Variants in SLC25A12 observed in about 807,000 individuals in gnomAD.
SLC25A12 encodes electrogenic aspartate/glutamate antiporter SLC25A12, mitochondrial.
SLC25A12 carries 32 observed loss-of-function variants against 83.3 expected under a neutral mutation model. The ratio of observed to expected loss-of-function variants is 0.38; its 90% confidence interval spans 0.29 to 0.52. The LOEUF is 0.52. Ranked by LOEUF, SLC25A12 falls within the 20% of genes least tolerant of loss-of-function variation. The pLI is 0.84. For missense variants in SLC25A12, 611 were observed against 835.6 expected (o/e 0.73, Z 3.31); for synonymous variants, 267 against 291.1 (o/e 0.92, Z 0.84).
chr2:171,844,638 G>A (rs966407229), intron 4 of SLC25A12, 130 bp from the exon 5 acceptor site: 5 of 662,122 alleles, frequency 7.6e-6, no homozygotes, highest in African/African-American at 1.8e-5. Flanking sequence ...TAAAATAACT[G>A]CAATTTTTTT....
chr2:171,858,316 T>C (rs1261857268), intron 3 of SLC25A12, among the ~76,000 whole-genome samples: 2 of 152,216 alleles, frequency 1.3e-5, no homozygotes, highest in Admixed American at 1.3e-4. Flanking sequence ...TCATGCAATT[T>C]CTGTTTGAGG....
chr2:171,874,301 A>G (rs1009750159), intron 2 of SLC25A12, among the ~76,000 whole-genome samples: 7 of 152,206 alleles, frequency 4.6e-5, no homozygotes, highest in Admixed American at 3.3e-4. Flanking sequence ...CTGAGACAAG[A>G]GAACCTCTTG....
chr2:171,816,692 T>C (rs1302543922), intron 9 of SLC25A12, among the ~76,000 whole-genome samples: 1 of 152,196 alleles, frequency 6.6e-6, no homozygotes, highest in Non-Finnish European at 1.5e-5. Flanking sequence ...TATGCTTCAG[T>C]ATAATTAACT....
chr2:171,848,740 G>A (rs537372230), intron 4 of SLC25A12, among the ~76,000 whole-genome samples: 2 of 152,206 alleles, frequency 1.3e-5, no homozygotes, highest in African/African-American at 4.8e-5. Flanking sequence ...CTCTCAGATG[G>A]TCATTAGTTT....
At chr2:171,798,555 T>C (rs1354166353) in intron 13 of SLC25A12, among the ~76,000 whole-genome samples, 1 of 152,206 alleles carries the variant, frequency 6.6e-6, no homozygotes, top group Non-Finnish European at 1.5e-5. Context: ...CAACTCCAGA[T>C]GAACACAGTA....
intron 2 of SLC25A12, among the ~76,000 whole-genome samples, chr2:171,890,736 G>C (rs1021841223): frequency 2.6e-5 from 4 of 152,124 alleles, no homozygotes; most frequent in Non-Finnish European, 5.9e-5. Context: ...TCTAGCCTCA[G>C]CCTCCCAAAG....
intron 9 of SLC25A12, among the ~76,000 whole-genome samples, chr2:171,819,330 T>G (rs187531948): frequency 0.019 from 2,234 of 119,958 alleles, 46 homozygotes; most frequent in Admixed American, 0.07. Context: ...ACATAATATA[T>G]AATTATATAT....
At chr2:171,846,150 G>C (rs566445521) in intron 4 of SLC25A12, among the ~76,000 whole-genome samples, 1 of 152,112 alleles carries the variant, frequency 6.6e-6, no homozygotes, top group South Asian at 2.1e-4. Flanking sequence ...GCTGTTTCTA[G>C]TCCCAAATTA....
chr2:171,866,626 C>CGG, intron 3 of SLC25A12, among the ~76,000 whole-genome samples: 1 of 101,018 alleles, frequency 9.9e-6, no homozygotes, highest in Non-Finnish European at 2.0e-5. Context: ...GGCGGCTGGC[C>CGG]GGGCGGGGGG....
rs1167661757 is a variant in SLC25A12 at position 171,793,532 on chromosome 2, G to A, written c.1446+95C>T. The A allele has an allele frequency of 4.7e-6, 6 of 1,289,816 alleles. No homozygotes were observed. In the East Asian group the frequency reaches 1.4e-4, roughly 30 times the overall value. The allele number at this position is 1,289,816 out of a possible 1,614,324, so 79.9% of individuals were successfully genotyped here. A position where few individuals can be genotyped will look rare whatever the true frequency, so the allele number is the denominator to read the frequency against. On this transcript the variant is annotated intron_variant, in intron 14 of 17. Coordinates refer to ENST00000422440, the MANE Select transcript of SLC25A12 (RefSeq NM_003705.5). ...GATTTTCTGCTCCACAGACTACCCT[G>A]CTGGACAAGATTGCTTTTCAACTTG...
chr2:171,893,606 C>T (rs1050395484), intron 1 of SLC25A12, among the ~76,000 whole-genome samples: 1 of 152,198 alleles, frequency 6.6e-6, no homozygotes, highest in African/African-American at 2.4e-5. Flanking sequence ...AGTAGATCAA[C>T]AGGAAAGTTA....
chr2:171,826,759 AT>A, intron 9 of SLC25A12, 38 bp downstream of exon 9: 5 of 1,174,664 alleles, frequency 4.3e-6, no homozygotes, highest in South Asian at 2.4e-5. Context: ...CTAGTTCAGC[AT>A]TTTTTTAAGG....
intron 3 of SLC25A12, among the ~76,000 whole-genome samples, chr2:171,859,469 C>T (rs1685107751): frequency 6.6e-6 from 1 of 152,094 alleles, no homozygotes. Context: ...GAGACTCTAT[C>T]TCTAAAAAAT....
Position 171,863,021 on chromosome 2 carries a change from TC to T in SLC25A12, c.209+5659del, listed in dbSNP as rs568742613. 1.4e-3 allele frequency among the ~76,000 whole-genome samples: 217 copies of T among 152,250 alleles called. 1 individual carries two copies. Among genetic ancestry groups the T allele is most frequent in the African/African-American group, 5.1e-3 (211 of 41,558 alleles). ...CTCAAACAATCCTCCTGCCTCACTC[TC>T]CCAAGTAGCTAAGGCTATAGGCACA... On this transcript the variant is annotated intron_variant, in intron 3 of 17. Transcript: ENST00000422440.
At chr2:171,856,278 G>A (rs960647309) in intron 3 of SLC25A12, among the ~76,000 whole-genome samples, 12 of 152,098 alleles carry the variant, frequency 7.9e-5, no homozygotes, top group African/African-American at 2.9e-4. Flanking sequence ...ATTTTAAGTT[G>A]GATAATTCTT....
At chr2:171,838,777 G>A (rs745985093) in intron 5 of SLC25A12, among the ~76,000 whole-genome samples, 4 of 152,150 alleles carry the variant, frequency 2.6e-5, no homozygotes, top group African/African-American at 9.7e-5. Context: ...AAAAATCATA[G>A]AGTATGTGCA....
intron 17 of SLC25A12, among the ~76,000 whole-genome samples, chr2:171,787,039 T>C (rs897003629): frequency 1.3e-5 from 2 of 152,238 alleles, no homozygotes; most frequent in African/African-American, 4.8e-5. Context: ...TTACACAGCA[T>C]TTTAATCTGC....
intron 9 of SLC25A12, among the ~76,000 whole-genome samples, chr2:171,818,205 T>C (rs1297652432): frequency 6.6e-6 from 1 of 152,128 alleles, no homozygotes; most frequent in Non-Finnish European, 1.5e-5. Flanking sequence ...ATTTTTAGCA[T>C]TTAGGCTGAA....
chr2:171,827,154 A>T (rs575491189), intron 8 of SLC25A12, among the ~76,000 whole-genome samples: 2 of 152,336 alleles, frequency 1.3e-5, no homozygotes, highest in South Asian at 4.1e-4. Flanking sequence ...GCCAGAAGCA[A>T]AAGTATAGAG....
Sources: gnomAD v4.1 joint callset for allele counts (sites outside exome capture counted in the v4.1 genomes callset) on GRCh38, gnomAD v4.1.1 for gene constraint, MANE v1.5 for transcripts, NCBI Gene and HGNC (gene_info 2026-07-23, HGNC 2026-07-21) for gene names.